PRTG: variants seen among roughly 807,000 people sequenced by gnomAD.
PRTG encodes immunoglobulin superfamily, DCC subclass, member 5.
Under a neutral mutation model 122.5 loss-of-function variants are expected in PRTG, and 67 were observed. The ratio of observed to expected loss-of-function variants is 0.55; its 90% confidence interval spans 0.45 to 0.67. PRTG has a LOEUF of 0.67. Among genes scored for constraint, PRTG ranks in the 30% least tolerant of loss-of-function variants. The pLI is 0.00. For missense variants in PRTG, 1,435 were observed against 1,415.4 expected (o/e 1.01, Z -0.22); for synonymous variants, 554 against 501.1 (o/e 1.11, Z -1.41).
intron 11 of PRTG, chr15:55,655,168 T>C (rs565098739): frequency 5.9e-5 from 9 of 152,312 alleles, no homozygotes; most frequent in African/African-American, 2.2e-4. Context: ...CTCACTGCAA[T>C]AGATTTTAAT....
intron 1 of PRTG, among the ~76,000 whole-genome samples, chr15:55,741,706 G>A (rs1028722909): frequency 1.8e-4 from 28 of 152,174 alleles, no homozygotes; most frequent in Admixed American, 1.2e-3. Context: ...CAAACCCCCA[G>A]AAATGATTTG....
intron 2 of PRTG, among the ~76,000 whole-genome samples, chr15:55,730,862 C>A (rs1377072536): frequency 6.6e-6 from 1 of 152,138 alleles, no homozygotes; most frequent in Non-Finnish European, 1.5e-5. Flanking sequence ...AGTAGCTGTG[C>A]CCTTGAGAAA....
chr15:55,684,078 A>G, intron 2 of PRTG, 147 bp from the exon 3 acceptor site: 1 of 585,374 alleles, frequency 1.7e-6, no homozygotes, highest in Non-Finnish European at 2.7e-6. Context: ...TAATTTAGTG[A>G]ATAATTTTGG....
chr15:55,661,492 C>G (rs573984516), intron 11 of PRTG, among the ~76,000 whole-genome samples: 79 of 152,258 alleles, frequency 5.2e-4, no homozygotes, highest in African/African-American at 1.9e-3. Flanking sequence ...GAGTGAGGCT[C>G]CACAAGTACT....
chr15:55,687,647 C>G (rs895434699), intron 2 of PRTG, among the ~76,000 whole-genome samples: 2 of 152,122 alleles, frequency 1.3e-5, no homozygotes, highest in African/African-American at 2.4e-5. Context: ...ATTCTGAAAA[C>G]TGAAACATAA....
At chr15:55,711,349 C>A (rs1461564850) in intron 2 of PRTG, among the ~76,000 whole-genome samples, 3 of 152,192 alleles carry the variant, frequency 2.0e-5, no homozygotes, top group Non-Finnish European at 4.4e-5. Flanking sequence ...CCATCTTACA[C>A]AGCTGATCCT....
intron 2 of PRTG, among the ~76,000 whole-genome samples, chr15:55,725,474 C>T (rs1358732156): frequency 6.6e-6 from 1 of 151,858 alleles, no homozygotes; most frequent in Non-Finnish European, 1.5e-5. Context: ...CATGTGCCTG[C>T]AGCCCAGCTA....
intron 2 of PRTG, among the ~76,000 whole-genome samples, chr15:55,708,953 T>C (rs949985794): frequency 6.6e-6 from 1 of 152,078 alleles, no homozygotes; most frequent in Middle Eastern, 3.4e-3. Flanking sequence ...AAGGCCAGCC[T>C]GGTCAACATG....
chr15:55,671,329 A>G (rs919708199), intron 11 of PRTG, among the ~76,000 whole-genome samples: 2 of 152,188 alleles, frequency 1.3e-5, no homozygotes, highest in Non-Finnish European at 2.9e-5. Flanking sequence ...TAATATGTCC[A>G]GAAGGTGTAA....
chr15:55,704,854 T>C (rs959125574), intron 2 of PRTG, among the ~76,000 whole-genome samples: 4 of 152,144 alleles, frequency 2.6e-5, no homozygotes, highest in East Asian at 1.9e-4. Flanking sequence ...GACAGACAGA[T>C]AGATATCAGA....
At chr15:55,678,069 C>T (rs2059513663) in intron 7 of PRTG, 25 bp from the exon 8 acceptor site, 2 of 1,433,718 alleles carry the variant, frequency 1.4e-6, no homozygotes, top group East Asian at 4.6e-5. Context: ...AAAATTATTT[C>T]CATGAAAAAT....
intron 11 of PRTG, among the ~76,000 whole-genome samples, chr15:55,666,517 C>A (rs2059440266): frequency 6.6e-6 from 1 of 152,082 alleles, no homozygotes; most frequent in African/African-American, 2.4e-5. Flanking sequence ...TCAAAGTGGG[C>A]AGAAATGCAA....
chr15:55,683,804 T>C lies in PRTG; in HGVS notation c.525A>G (p.Leu175=), dbSNP rs2059554758. Reference sequence around the variant, plus strand: ...ACATCTACCTGTCCATAGTCATAGGTAGAGTTGTCCGATTGAACTCCCATG... The same window carrying C: ...ACATCTACCTGTCCATAGTCATAGGCAGAGTTGTCCGATTGAACTCCCATG... ...VITWEFNRTT[L]PMTMDRITAL... The change falls in exon 3 of 20, where the codon CTA becomes CTG. Residue 175 remains leucine, a synonymous_variant. Transcript: ENST00000389286. The C allele has an allele frequency of 1.2e-6, 2 of 1,613,880 alleles. No homozygotes were observed. Among genetic ancestry groups the C allele is most frequent in the African/African-American group, 1.3e-5 (1 of 75,044 alleles).
intron 2 of PRTG, among the ~76,000 whole-genome samples, chr15:55,702,207 G>C (rs1471064641): frequency 6.6e-6 from 1 of 152,192 alleles, no homozygotes; most frequent in African/African-American, 2.4e-5. Flanking sequence ...AGCACACAGA[G>C]ATTTAAAAAG....
At chr15:55,670,578 C>T (rs4774219) in intron 11 of PRTG, among the ~76,000 whole-genome samples, 143,539 of 152,248 alleles carry the variant, frequency 0.94, 68,241 homozygotes, top group Non-Finnish European at 1. Flanking sequence ...GAAGGTGAAA[C>T]ATATGTAATT....
At chr15:55,672,319 A>T (rs1416905966) in intron 11 of PRTG, 126 bp downstream of exon 11, 6 of 769,726 alleles carry the variant, frequency 7.8e-6, no homozygotes, top group Non-Finnish European at 2.1e-6. Context: ...ATACACACTG[A>T]CATAGTAAAA....
chr15:55,625,738 C>T (rs2059191175), intron 17 of PRTG, among the ~76,000 whole-genome samples: 1 of 151,968 alleles, frequency 6.6e-6, no homozygotes, highest in African/African-American at 2.4e-5. Flanking sequence ...ATTCTCCTGC[C>T]TCAGCCTCCC....
Position 55,683,864 on chromosome 15 carries a change from T to C in PRTG, c.465A>G (p.Ala155=). 3 of 1,614,010 alleles carry C rather than the reference T, an allele frequency of 1.9e-6. No homozygotes were observed. Among genetic ancestry groups the C allele is most frequent in the Non-Finnish European group, 2.5e-6 (3 of 1,179,878 alleles). ...EVHEGGVARF[A]CKISSHPPAV... ...CAGGAGGGTGGGATGAAATCTTGCATGCAAATCGAGCAACTCCACCTTCGT... is the reference window on the plus strand; with the variant it reads ...CAGGAGGGTGGGATGAAATCTTGCACGCAAATCGAGCAACTCCACCTTCGT... Residue 155 remains alanine, a synonymous_variant, in exon 3 of 20, where the codon GCA becomes GCG. Coordinates refer to ENST00000389286, the MANE Select transcript of PRTG (RefSeq NM_173814.6).
Position 55,680,627 on chromosome 15 carries a change from A to G in PRTG, c.678T>C (p.Ala226=), listed in dbSNP as rs200620952. 6.7e-7 allele frequency: 1 copy of G among 1,503,146 alleles called. No individual in the cohort carries two copies. The highest frequency in any genetic ancestry group is 2.0e-5 in the Admixed American group (1 of 49,546). The allele number at this position is 1,503,146 out of a possible 1,614,324, so 93.1% of individuals were successfully genotyped here. Residue 226 remains alanine, a splice_region_variant and synonymous_variant, in exon 5 of 20, where the codon GCT becomes GCC. Coordinates refer to ENST00000389286, the MANE Select transcript of PRTG (RefSeq NM_173814.6). ...SMEASLTVIP[A]KESKSFHTPT... ...GTGTGTGGAAGGATTTTGACTCCTT[A>G]GCTTTGGGGAGGAAAAGACAGAATA...
Sources: gnomAD v4.1 joint callset for allele counts (sites outside exome capture counted in the v4.1 genomes callset) on GRCh38, gnomAD v4.1.1 for gene constraint, MANE v1.5 for transcripts, NCBI Gene and HGNC (gene_info 2026-07-23, HGNC 2026-07-21) for gene names.